Variants in GPC5 observed in about 807,000 individuals in gnomAD.
GPC5 encodes glypican-5.
GPC5 carries 47 observed loss-of-function variants against 53.9 expected under a neutral mutation model. The observed-to-expected ratio is 0.87, with a 90% CI of 0.69 to 1.11. The LOEUF (loss-of-function observed/expected upper bound fraction) is 1.11. Ranked by LOEUF, GPC5 falls within the 50% of genes most tolerant of loss-of-function variation. The pLI, the probability that GPC5 is intolerant of heterozygous loss-of-function variation, is 0.00. For synonymous variants in GPC5, 286 were observed against 263.3 expected, an observed-to-expected ratio of 1.09 and a Z score of -0.84; for missense variants, 748 against 713.1, an observed-to-expected ratio of 1.05 and a Z score of -0.56.
intron 5 of GPC5, among the ~76,000 whole-genome samples, chr13:91,820,735 G>A (rs796810126): frequency 5.9e-5 from 9 of 152,128 alleles, no homozygotes; most frequent in African/African-American, 1.7e-4. Flanking sequence ...AGGCCGAGGC[G>A]GGAGGATCAC....
chr13:92,701,306 T>A (rs1406242985), intron 7 of GPC5: 2 of 152,138 alleles, frequency 1.3e-5, no homozygotes, highest in African/African-American at 2.4e-5. Context: ...CATCAAATAT[T>A]ATGTCTCTTT....
intron 2 of GPC5, among the ~76,000 whole-genome samples, chr13:91,480,913 C>A (rs1883264129): frequency 6.6e-6 from 1 of 151,798 alleles, no homozygotes; most frequent in Non-Finnish European, 1.5e-5. Flanking sequence ...GGTCAGGTGG[C>A]AGTCCCCATT....
At chr13:92,021,399 C>A (rs1181126078) in intron 6 of GPC5, among the ~76,000 whole-genome samples, 3 of 152,134 alleles carry the variant, frequency 2.0e-5, no homozygotes, top group Non-Finnish European at 4.4e-5. Context: ...CTGTGTGATT[C>A]CACTTATATG....
At chr13:92,471,201 C>T (rs543251964) in intron 7 of GPC5, among the ~76,000 whole-genome samples, 74 of 152,134 alleles carry the variant, frequency 4.9e-4, no homozygotes, top group Admixed American at 3.3e-4. Context: ...ACTTTATACA[C>T]TAAACTCAAT....
chr13:92,185,770 C>A (rs1377248738), intron 7 of GPC5, among the ~76,000 whole-genome samples: 1 of 152,044 alleles, frequency 6.6e-6, no homozygotes, highest in Non-Finnish European at 1.5e-5. Flanking sequence ...CCCTGTGTTG[C>A]AACCAAATTA....
intron 5 of GPC5, among the ~76,000 whole-genome samples, chr13:91,848,787 A>G (rs2038880457): frequency 6.6e-6 from 1 of 152,204 alleles, no homozygotes; most frequent in Admixed American, 6.5e-5. Context: ...TTGATTCATG[A>G]GGAGTTCTAT....
chr13:92,293,202 G>T (rs1167567263), intron 7 of GPC5, among the ~76,000 whole-genome samples: 1 of 151,938 alleles, frequency 6.6e-6, no homozygotes, highest in African/African-American at 2.4e-5. Context: ...AATTCTTGAA[G>T]AATGTTGGTG....
intron 4 of GPC5, among the ~76,000 whole-genome samples, chr13:91,731,692 C>A (rs1350395007): frequency 6.6e-6 from 1 of 152,034 alleles, no homozygotes; most frequent in Non-Finnish European, 1.5e-5. Context: ...TTGCTCCCCA[C>A]CCCGACTGGC....
chr13:91,726,114 T>C (rs1331314530), intron 3 of GPC5, among the ~76,000 whole-genome samples: 4 of 152,210 alleles, frequency 2.6e-5, no homozygotes, highest in African/African-American at 9.7e-5. Context: ...ACGTTTCTAA[T>C]AGATTTATAC....
At chr13:92,158,580 C>T (rs931218097) in intron 7 of GPC5, among the ~76,000 whole-genome samples, 1 of 151,858 alleles carries the variant, frequency 6.6e-6, no homozygotes, top group African/African-American at 2.4e-5. Context: ...TCTTGTGTTC[C>T]TCCTCTCCCT....
Position 92,124,177 on chromosome 13 carries a change from A to G in GPC5, c.1402-20653A>G, listed in dbSNP as rs550110703. 4.6e-5 allele frequency among the ~76,000 whole-genome samples: 7 copies of G among 151,270 alleles called. No individual in the cohort carries two copies. The South Asian group carries it at 1.5e-3, about 32-fold the overall frequency. ...AAATAAAGACAGACATATTCATGTA[A>G]TAAAATCTTAGCAATCCCTGCAATA... On this transcript the variant is annotated intron_variant, in intron 6 of 7. Transcript: ENST00000377067.
At chr13:92,133,474 T>G (rs2041761011) in intron 6 of GPC5, among the ~76,000 whole-genome samples, 1 of 152,182 alleles carries the variant, frequency 6.6e-6, no homozygotes, top group Admixed American at 6.5e-5. Context: ...AATCCAGATT[T>G]GTTGCCAAAA....
At chr13:91,717,743 GATGGGGTTTC>G (rs2036370278) in intron 3 of GPC5, among the ~76,000 whole-genome samples, 2 of 152,026 alleles carry the variant, frequency 1.3e-5, no homozygotes, top group East Asian at 3.9e-4. Flanking sequence ...TTTTAGTAGA[GATGGGGTTTC>G]ACCATATTGG....
At chr13:92,655,297 TTTTATTTATTTATTTA>T (rs374530742) in intron 7 of GPC5, among the ~76,000 whole-genome samples, 2 of 146,066 alleles carry the variant, frequency 1.4e-5, no homozygotes, top group African/African-American at 2.5e-5. Context: ...AGTTGATTGC[TTTTATTTATTTATTTA>T]TTTATTTATT....
At chr13:92,039,747 C>T (rs188247863) in intron 6 of GPC5, among the ~76,000 whole-genome samples, 1 of 152,196 alleles carries the variant, frequency 6.6e-6, no homozygotes, top group East Asian at 1.9e-4. Flanking sequence ...TATACCTTCA[C>T]GTGTTTTTTT....
chr13:91,404,936 G>A (rs984163122), intron 1 of GPC5, among the ~76,000 whole-genome samples: 35 of 152,124 alleles, frequency 2.3e-4, no homozygotes, highest in African/African-American at 8.2e-4. Context: ...GAAAAACATG[G>A]CTTTTCCAAT....
intron 6 of GPC5, among the ~76,000 whole-genome samples, chr13:91,972,116 T>G (rs979491038): frequency 6.6e-6 from 1 of 152,172 alleles, no homozygotes; most frequent in African/African-American, 2.4e-5. Context: ...TCTTTGTAGG[T>G]CACTAAGGAC....
intron 7 of GPC5, among the ~76,000 whole-genome samples, chr13:92,269,984 G>C (rs1219449305): frequency 6.6e-6 from 1 of 152,078 alleles, no homozygotes; most frequent in Non-Finnish European, 1.5e-5. Context: ...GAGTGATTTT[G>C]TCATGTGGAG....
rs748392012 is a variant in GPC5 at position 92,237,931 on chromosome 13, C to T, written c.1561+92942C>T. 3.3e-5 allele frequency among the ~76,000 whole-genome samples: 5 copies of T among 152,052 alleles called. No homozygotes were observed. The South Asian group carries it at 8.3e-4, about 25-fold the overall frequency. ...GAATCATAATAAGCATTCTTTATGA[C>T]TTTTTAAATTTAACATAATAATTTT... On this transcript the variant is annotated intron_variant, in intron 7 of 7. Coordinates refer to ENST00000377067, the MANE Select transcript of GPC5 (RefSeq NM_004466.6).
Sources: allele counts gnomAD v4.1 joint callset (sites outside exome capture counted in the v4.1 genomes callset), GRCh38; gene constraint gnomAD v4.1.1; transcripts MANE v1.5; gene names NCBI Gene and HGNC (gene_info 2026-07-23, HGNC 2026-07-21).